The following RGS7 variants were observed in gnomAD, a reference collection of about 807,000 sequenced individuals.
RGS7 encodes the protein regulator of G-protein signaling 7.
Under a neutral mutation model 81.1 loss-of-function variants are expected in RGS7, and 27 were observed. That is an observed-to-expected ratio of 0.33 (90% CI 0.25 to 0.46). The LOEUF (loss-of-function observed/expected upper bound fraction) is 0.46, where lower values mean the gene tolerates loss of function less well. Among genes scored for constraint, RGS7 ranks in the 20% least tolerant of loss-of-function variants. The probability of loss-of-function intolerance (pLI) is 1.00; values close to 1 mark genes in which losing one functional copy is unlikely to be tolerated. For missense variants in RGS7, 396 were observed against 607.4 expected, an observed-to-expected ratio of 0.65 and a Z score of 3.66; for synonymous variants, 208 against 207.7, an observed-to-expected ratio of 1.00 and a Z score of -0.01.
chr1:241,102,538 A>C (rs1429718820), intron 2 of RGS7, among the ~76,000 whole-genome samples: 1 of 152,226 alleles, frequency 6.6e-6, no homozygotes, highest in Non-Finnish European at 1.5e-5. Context: ...AGCTAAAATG[A>C]GATCAGTCAT....
At chr1:241,297,828 C>T (rs746750618) in intron 2 of RGS7, among the ~76,000 whole-genome samples, 3 of 152,088 alleles carry the variant, frequency 2.0e-5, no homozygotes, top group Non-Finnish European at 4.4e-5. Flanking sequence ...TCTAAAGAAA[C>T]GCAGCAAAGA....
chr1:241,303,671 A>C (rs2079909222), intron 2 of RGS7, among the ~76,000 whole-genome samples: 1 of 152,078 alleles, frequency 6.6e-6, no homozygotes, highest in Non-Finnish European at 1.5e-5. Flanking sequence ...ATATCCCTTA[A>C]ATCTCTTTGA....
chr1:241,019,268 C>T (rs1251318355), intron 3 of RGS7, among the ~76,000 whole-genome samples: 4 of 152,164 alleles, frequency 2.6e-5, no homozygotes, highest in Non-Finnish European at 2.9e-5. Flanking sequence ...TCCAAGTAAA[C>T]AATTCTTTCT....
intron 6 of RGS7, among the ~76,000 whole-genome samples, chr1:240,916,274 CAAAA>C (rs33925153): frequency 0.48 from 57,546 of 119,696 alleles, 12,083 homozygotes; most frequent in Middle Eastern, 0.58. Context: ...GAGACACTGT[CAAAA>C]AAAAAAAAAA....
chr1:241,019,621 C>G lies in RGS7; in HGVS notation c.176-36492G>C, dbSNP rs374733899. 8.5e-5 allele frequency among the ~76,000 whole-genome samples: 13 copies of G among 152,198 alleles called. 1 individual carries two copies. The highest frequency in any genetic ancestry group is 3.1e-4 in the African/African-American group (13 of 41,522). Reference sequence around the variant, plus strand: ...AACATGCGGTGTTTGGTTTTCTGTCCTTGTGATAGTTTGCTGAGAATGATG... The same window carrying G: ...AACATGCGGTGTTTGGTTTTCTGTCGTTGTGATAGTTTGCTGAGAATGATG... On this transcript the variant is annotated intron_variant, in intron 3 of 18. Coordinates refer to ENST00000440928, the MANE Select transcript of RGS7 (RefSeq NM_001364886.1).
intron 6 of RGS7, among the ~76,000 whole-genome samples, chr1:240,881,913 A>G (rs1282294360): frequency 7.0e-6 from 1 of 143,046 alleles, no homozygotes; most frequent in Non-Finnish European, 1.6e-5. Context: ...ACTGGACTAT[A>G]AAAATCTTTT....
At chr1:241,245,933 T>C (rs1474979869) in intron 2 of RGS7, among the ~76,000 whole-genome samples, 1 of 150,624 alleles carries the variant, frequency 6.6e-6, no homozygotes, top group Non-Finnish European at 1.5e-5. Flanking sequence ...TGAAACCCCG[T>C]CTCTACTAAA....
chr1:240,881,190 T>C (rs1666301016), intron 6 of RGS7, among the ~76,000 whole-genome samples: 1 of 152,144 alleles, frequency 6.6e-6, no homozygotes, highest in African/African-American at 2.4e-5. Flanking sequence ...TGAGTTCATG[T>C]CCTTTGTAGG....
chr1:240,864,253 ACC>A (rs1662807571), intron 9 of RGS7, among the ~76,000 whole-genome samples: 1 of 152,100 alleles, frequency 6.6e-6, no homozygotes, highest in Non-Finnish European at 1.5e-5. Flanking sequence ...ATTACATGAT[ACC>A]TTTCTATATT....
chr1:240,870,680 C>T (rs984800562), intron 6 of RGS7, among the ~76,000 whole-genome samples: 14 of 152,094 alleles, frequency 9.2e-5, no homozygotes, highest in African/African-American at 2.9e-4. Context: ...CAGTTTTTAG[C>T]ATCTTCAACA....
intron 3 of RGS7, among the ~76,000 whole-genome samples, chr1:241,032,855 T>C (rs901069057): frequency 6.6e-6 from 1 of 152,340 alleles, no homozygotes; most frequent in African/African-American, 2.4e-5. Context: ...ACTTAATTCA[T>C]TGATACAATC....
At chr1:240,781,908 G>A (rs1482856506) in intron 18 of RGS7, among the ~76,000 whole-genome samples, 2 of 152,046 alleles carry the variant, frequency 1.3e-5, no homozygotes, top group Admixed American at 1.3e-4. Context: ...CCAGCTACTC[G>A]GGAGGCTGAG....
At chr1:241,177,764 G>T (rs1012557431) in intron 2 of RGS7, among the ~76,000 whole-genome samples, 6 of 152,018 alleles carry the variant, frequency 3.9e-5, no homozygotes, top group African/African-American at 1.5e-4. Context: ...CTAGTTGACT[G>T]AAAGGGAGGT....
At chr1:240,996,389 T>C (rs930948939) in intron 3 of RGS7, among the ~76,000 whole-genome samples, 5 of 152,218 alleles carry the variant, frequency 3.3e-5, no homozygotes, top group African/African-American at 1.2e-4. Flanking sequence ...CAGTTACTGA[T>C]AAAGGAGTGT....
At chr1:240,819,791 C>A (rs917475560) in intron 10 of RGS7, among the ~76,000 whole-genome samples, 1 of 152,112 alleles carries the variant, frequency 6.6e-6, no homozygotes, top group Admixed American at 6.5e-5. Context: ...ATGACCCAAA[C>A]CATTGGGAGG....
chr1:240,967,114 G>T (rs1682435441), intron 4 of RGS7, among the ~76,000 whole-genome samples: 1 of 152,184 alleles, frequency 6.6e-6, no homozygotes, highest in Admixed American at 6.5e-5. Flanking sequence ...AACAGGGGTG[G>T]TGTTTGTCAT....
intron 2 of RGS7, among the ~76,000 whole-genome samples, chr1:241,242,306 G>GATAGATAGA (rs2076298078): frequency 1.4e-5 from 2 of 147,560 alleles, no homozygotes; most frequent in African/African-American, 2.5e-5. Flanking sequence ...CTATGGATGA[G>GATAGATAGA]TAGATAGATA....
intron 2 of RGS7, among the ~76,000 whole-genome samples, chr1:241,122,904 C>G (rs1370533838): frequency 1.3e-5 from 2 of 152,186 alleles, no homozygotes; most frequent in Non-Finnish European, 2.9e-5. Flanking sequence ...ATGTGTATCT[C>G]TTTCACACCA....
intron 2 of RGS7, among the ~76,000 whole-genome samples, chr1:241,177,094 C>T (rs1558157805): frequency 6.6e-6 from 1 of 152,156 alleles, no homozygotes; most frequent in Non-Finnish European, 1.5e-5. Flanking sequence ...GTGCCCTGCC[C>T]TCAAGAGTCT....
Sources: allele counts gnomAD v4.1 joint callset (sites outside exome capture counted in the v4.1 genomes callset), GRCh38; gene constraint gnomAD v4.1.1; transcripts MANE v1.5; gene names NCBI Gene and HGNC (gene_info 2026-07-23, HGNC 2026-07-21).